LRP1B: variants seen among roughly 807,000 people sequenced by gnomAD.
The protein encoded by LRP1B is LDL receptor related protein 1B, also known as low-density lipoprotein receptor-related protein 1B.
LRP1B carries 217 observed loss-of-function variants against 556.6 expected under a neutral mutation model. The observed-to-expected ratio is 0.39, with a 90% CI of 0.35 to 0.44. The LOEUF (loss-of-function observed/expected upper bound fraction) is 0.44. Among genes scored for constraint, LRP1B ranks in the 20% least tolerant of loss-of-function variants. The pLI, the probability that LRP1B is intolerant of heterozygous loss-of-function variation, is 1.00. For missense variants in LRP1B, 5,053 were observed against 5,620.8 expected (o/e 0.90, Z 3.23); for synonymous variants, 2,047 against 1,865.8 (o/e 1.10, Z -2.50).
rs1019226476 is a variant in LRP1B, at chr2:141,569,232, T to C, written c.206-88699A>G. Reference sequence around the variant, plus strand: ...CATATAAGAGGTAGAGAAAAATCGCTACAATGTCTCAAAAAGGGGAACATA... The same window carrying C: ...CATATAAGAGGTAGAGAAAAATCGCCACAATGTCTCAAAAAGGGGAACATA... On this transcript the variant is annotated intron_variant, in intron 2 of 90. Transcript: ENST00000389484. Among the ~76,000 whole-genome samples the C allele has an allele frequency of 4.6e-5, 7 of 151,018 alleles. 1 individual carries two copies. The highest frequency in any genetic ancestry group is 1.3e-4 in the Admixed American group (2 of 15,126).
intron 3 of LRP1B, among the ~76,000 whole-genome samples, chr2:141,473,166 C>CA (rs5834834): frequency 6.6e-6 from 1 of 151,548 alleles, no homozygotes; most frequent in Non-Finnish European, 1.5e-5. Context: ...CAGATGTCTG[C>CA]AAAAAAAGCA....
intron 66 of LRP1B, among the ~76,000 whole-genome samples, chr2:140,391,765 A>G (rs1481743228): frequency 6.6e-6 from 1 of 152,174 alleles, no homozygotes; most frequent in Non-Finnish European, 1.5e-5. Flanking sequence ...CATAGCAAAA[A>G]AAAGTACATA....
intron 2 of LRP1B, among the ~76,000 whole-genome samples, chr2:141,739,812 T>C (rs534434332): frequency 1.3e-5 from 2 of 152,146 alleles, no homozygotes; most frequent in East Asian, 3.9e-4. Context: ...TTGTTCACCC[T>C]GAAATATCTT....
At chr2:140,953,083 TTTTG>T (rs895002333) in intron 18 of LRP1B, among the ~76,000 whole-genome samples, 26 of 152,080 alleles carry the variant, frequency 1.7e-4, no homozygotes, top group Non-Finnish European at 2.1e-4. Context: ...TCCATATTCT[TTTTG>T]TTTGTTTGTT....
chr2:140,988,498 G>A (rs927880299), intron 17 of LRP1B, among the ~76,000 whole-genome samples: 17 of 152,162 alleles, frequency 1.1e-4, no homozygotes, highest in African/African-American at 3.9e-4. Context: ...TCTTGCCAGT[G>A]TTGTTTTGTA....
chr2:140,356,315 G>A lies in LRP1B; in HGVS notation c.11530+27C>T, dbSNP rs762101825. 3.7e-6 allele frequency: 6 copies of A among 1,606,862 alleles called. 1 individual carries two copies. In the South Asian group the frequency reaches 6.6e-5, roughly 18 times the overall value. On this transcript the variant is annotated intron_variant, in intron 75 of 90. Transcript: ENST00000389484. The stretch of plus-strand genomic sequence containing the variant: ...ATCTTCATAACCCAAAGATTTATGA[G>A]CAAACTGTTGAAGAAAAGTACTCTA...
chr2:140,405,018 T>C (rs1367232354), intron 66 of LRP1B, among the ~76,000 whole-genome samples: 1 of 152,194 alleles, frequency 6.6e-6, no homozygotes, highest in African/African-American at 2.4e-5. Context: ...GGAAATTATA[T>C]AAAGTGTCTT....
chr2:141,495,095 G>A (rs1207852489), intron 2 of LRP1B, among the ~76,000 whole-genome samples: 4 of 151,956 alleles, frequency 2.6e-5, no homozygotes, highest in Non-Finnish European at 5.9e-5. Context: ...TATGTTGTAG[G>A]CTATAAAAAA....
At chr2:141,046,688 A>G (rs1698880234) in intron 11 of LRP1B, among the ~76,000 whole-genome samples, 1 of 152,100 alleles carries the variant, frequency 6.6e-6, no homozygotes, top group Non-Finnish European at 1.5e-5. Flanking sequence ...TATTATTCTC[A>G]AAGTTAAGAT....
At chr2:141,064,076 T>C (rs552123121) in intron 7 of LRP1B, among the ~76,000 whole-genome samples, 2 of 151,932 alleles carry the variant, frequency 1.3e-5, no homozygotes, top group Non-Finnish European at 2.9e-5. Context: ...AAAAGAGGCG[T>C]CTCAAGACAA....
intron 7 of LRP1B, among the ~76,000 whole-genome samples, chr2:141,186,512 GC>G (rs1681266728): frequency 6.6e-6 from 1 of 151,988 alleles, no homozygotes; most frequent in African/African-American, 2.4e-5. Context: ...TGGCAACCAG[GC>G]CTGTATTTAT....
At chr2:141,919,431 T>G (rs1210270870) in intron 1 of LRP1B, among the ~76,000 whole-genome samples, 1 of 152,064 alleles carries the variant, frequency 6.6e-6, no homozygotes, top group Non-Finnish European at 1.5e-5. Context: ...TAATAAGTTA[T>G]TCTAAATTGG....
chr2:140,365,369 T>A (rs987721253), intron 71 of LRP1B, among the ~76,000 whole-genome samples: 7 of 151,738 alleles, frequency 4.6e-5, no homozygotes, highest in African/African-American at 1.7e-4. Flanking sequence ...TTTTTTGGAT[T>A]GTTAAAATGT....
At chr2:140,470,179 G>A (rs1687704135) in intron 60 of LRP1B, among the ~76,000 whole-genome samples, 1 of 152,190 alleles carries the variant, frequency 6.6e-6, no homozygotes, top group African/African-American at 2.4e-5. Flanking sequence ...TAGTTTACAA[G>A]TGTTCAACTT....
chr2:141,738,286 A>G (rs1693566129), intron 2 of LRP1B, among the ~76,000 whole-genome samples: 2 of 152,156 alleles, frequency 1.3e-5, no homozygotes, highest in African/African-American at 4.8e-5. Context: ...TTCTCTCCCA[A>G]TAGAGAAATA....
intron 66 of LRP1B, among the ~76,000 whole-genome samples, chr2:140,408,448 T>C (rs976747318): frequency 1.3e-5 from 2 of 152,010 alleles, no homozygotes; most frequent in Non-Finnish European, 2.9e-5. Context: ...AATTTCTGAC[T>C]TTATTGAGCT....
At chr2:140,684,573 G>C (rs1685980675) in intron 41 of LRP1B, among the ~76,000 whole-genome samples, 2 of 152,136 alleles carry the variant, frequency 1.3e-5, no homozygotes, top group African/African-American at 4.8e-5. Flanking sequence ...GCCATTTTCA[G>C]ATATTCATAG....
chr2:141,319,749 GT>G (rs1687170521), intron 3 of LRP1B, among the ~76,000 whole-genome samples: 1 of 152,058 alleles, frequency 6.6e-6, no homozygotes, highest in African/African-American at 2.4e-5. Context: ...TGAATCGCAA[GT>G]TGCAGTGCTT....
intron 3 of LRP1B, among the ~76,000 whole-genome samples, chr2:141,350,162 C>T (rs1422351353): frequency 3.3e-5 from 5 of 152,084 alleles, no homozygotes; most frequent in Admixed American, 1.3e-4. Flanking sequence ...CTGAGTGCCT[C>T]CCACAACATG....
Sources: gnomAD v4.1 joint callset for allele counts (sites outside exome capture counted in the v4.1 genomes callset) on GRCh38, gnomAD v4.1.1 for gene constraint, MANE v1.5 for transcripts, NCBI Gene and HGNC (gene_info 2026-07-23, HGNC 2026-07-21) for gene names.